Variants in TLL1 observed in about 807,000 individuals in gnomAD.
TLL1 encodes the protein tolloid-like protein 1.
TLL1 carries 49 observed loss-of-function variants against 128.2 expected under a neutral mutation model. The observed-to-expected ratio is 0.38, with a 90% CI of 0.30 to 0.48. TLL1 has a LOEUF of 0.48. Among genes scored for constraint, TLL1 ranks in the 20% least tolerant of loss-of-function variants. The pLI, the probability that TLL1 is intolerant of heterozygous loss-of-function variation, is 0.96. For missense variants in TLL1, 1,123 were observed against 1,242.0 expected, an observed-to-expected ratio of 0.90 and a Z score of 1.44; for synonymous variants, 454 against 418.8, an observed-to-expected ratio of 1.08 and a Z score of -1.03.
At chr4:165,914,173 G>A (rs1309939557) in intron 1 of TLL1, among the ~76,000 whole-genome samples, 1 of 152,094 alleles carries the variant, frequency 6.6e-6, no homozygotes, top group East Asian at 1.9e-4. Context: ...TCATTAGATA[G>A]CATTTCCTGT....
At chr4:166,025,657 A>C (rs531113933) in intron 9 of TLL1, among the ~76,000 whole-genome samples, 1 of 152,322 alleles carries the variant, frequency 6.6e-6, no homozygotes, top group South Asian at 2.1e-4. Flanking sequence ...TACAAATTAT[A>C]TTCTCAGACA....
At chr4:166,028,124 G>C (rs1293154637) in intron 9 of TLL1, among the ~76,000 whole-genome samples, 1 of 151,574 alleles carries the variant, frequency 6.6e-6, no homozygotes, top group Non-Finnish European at 1.5e-5. Context: ...TACTTCTTGA[G>C]CTGGGAATTT....
chr4:166,037,242 T>G (rs192692301), intron 9 of TLL1, among the ~76,000 whole-genome samples: 1 of 152,338 alleles, frequency 6.6e-6, no homozygotes, highest in African/African-American at 2.4e-5. Context: ...TTCCTAGTTA[T>G]ATCCTGAATA....
chr4:166,046,799 A>G (rs1739477478), intron 12 of TLL1, among the ~76,000 whole-genome samples: 1 of 152,202 alleles, frequency 6.6e-6, no homozygotes, highest in Admixed American at 6.5e-5. Context: ...TGTTGTGACT[A>G]GAATCTCACA....
At chr4:165,981,837 G>A (rs10026747) in intron 1 of TLL1, among the ~76,000 whole-genome samples, 12,153 of 152,042 alleles carry the variant, frequency 0.08, 1,593 homozygotes, top group African/African-American at 0.27. Flanking sequence ...TTTCAATAAA[G>A]TGTATCATCT....
At chr4:165,934,374 A>G (rs1186367066) in intron 1 of TLL1, among the ~76,000 whole-genome samples, 1 of 152,146 alleles carries the variant, frequency 6.6e-6, no homozygotes, top group Non-Finnish European at 1.5e-5. Context: ...GACATAAAAA[A>G]TAAAAAAATA....
chr4:166,076,535 A>G (rs1741035840), intron 17 of TLL1, among the ~76,000 whole-genome samples: 1 of 152,194 alleles, frequency 6.6e-6, no homozygotes, highest in Non-Finnish European at 1.5e-5. Flanking sequence ...AACAACATCC[A>G]GACGCACTTT....
chr4:165,936,328 TC>T (rs1339838533), intron 1 of TLL1, among the ~76,000 whole-genome samples: 2 of 150,956 alleles, frequency 1.3e-5, no homozygotes, highest in Admixed American at 1.3e-4. Context: ...CAAGTGATTC[TC>T]CTGCCTCAGC....
chr4:165,882,695 T>C (rs924984494), intron 1 of TLL1, among the ~76,000 whole-genome samples: 1 of 152,142 alleles, frequency 6.6e-6, no homozygotes, highest in African/African-American at 2.4e-5. Flanking sequence ...CTCAGCTCAC[T>C]GCAACCTCCG....
At chr4:166,016,360 T>C (rs1384253440) in intron 8 of TLL1, among the ~76,000 whole-genome samples, 1 of 152,126 alleles carries the variant, frequency 6.6e-6, no homozygotes. Flanking sequence ...GAACACTTTG[T>C]GTATAAAACT....
At chr4:165,922,797 T>TGTAAACACTGGA (rs1385773732) in intron 1 of TLL1, among the ~76,000 whole-genome samples, 2 of 152,250 alleles carry the variant, frequency 1.3e-5, no homozygotes, top group Non-Finnish European at 2.9e-5. Context: ...TTTATATGTA[T>TGTAAACACTGGA]GTAAACACTG....
At chr4:166,046,185 T>C (rs972881610) in intron 12 of TLL1, among the ~76,000 whole-genome samples, 5 of 152,232 alleles carry the variant, frequency 3.3e-5, no homozygotes, top group Non-Finnish European at 7.3e-5. Context: ...ATGGATTATA[T>C]GTAAGTCAAT....
chr4:165,891,796 C>T (rs1410977689), intron 1 of TLL1, among the ~76,000 whole-genome samples: 1 of 152,182 alleles, frequency 6.6e-6, no homozygotes, highest in Non-Finnish European at 1.5e-5. Flanking sequence ...TCTAAATTTT[C>T]CCACATTTTC....
intron 9 of TLL1, among the ~76,000 whole-genome samples, chr4:166,038,070 T>C (rs1169035142): frequency 6.6e-6 from 1 of 152,202 alleles, no homozygotes; most frequent in Non-Finnish European, 1.5e-5. Context: ...CATTGATTTG[T>C]AATAATTAGT....
In TLL1 at chr4:166,025,439, A is replaced by T; in HGVS notation, c.1158+8A>T. 6.4e-7 allele frequency: 1 copy of T among 1,571,944 alleles called. No individual in the cohort carries two copies. The highest frequency in any genetic ancestry group is 8.8e-7 in the Non-Finnish European group (1 of 1,141,858). On this transcript the variant is annotated splice_region_variant and intron_variant, in intron 9 of 20. Coordinates refer to ENST00000061240, the MANE Select transcript of TLL1 (RefSeq NM_012464.5). ...GTGACCCCAGGGGAGAAGGTAGTTT[A>T]TACCGTCAAGCCCACTATTTTATTC... is the stretch of plus-strand genomic sequence containing the variant.
intron 1 of TLL1, chr4:165,874,945 G>A (rs908538439): frequency 6.6e-6 from 1 of 152,352 alleles, no homozygotes; most frequent in Middle Eastern, 3.2e-3. Flanking sequence ...CGCAGCGCCT[G>A]AGGGCGCCCA....
intron 1 of TLL1, among the ~76,000 whole-genome samples, chr4:165,888,057 G>A (rs1397301688): frequency 6.6e-6 from 1 of 152,052 alleles, no homozygotes; most frequent in Non-Finnish European, 1.5e-5. Context: ...TCTTCATATA[G>A]GCAATCAGAT....
intron 20 of TLL1, among the ~76,000 whole-genome samples, chr4:166,099,932 C>T (rs1742215374): frequency 6.6e-6 from 1 of 152,086 alleles, no homozygotes. Flanking sequence ...TTCACATTCT[C>T]TTTTTAACAA....
At chr4:166,052,965 G>GTGTGTGTGTGTGTGTGTGTATA in intron 12 of TLL1, among the ~76,000 whole-genome samples, 2 of 99,648 alleles carry the variant, frequency 2.0e-5, no homozygotes, top group African/African-American at 3.8e-5. Context: ...GAGGTTATGT[G>GTGTGTGTGTGTGTGTGTGTATA]TATATATATA....
Sources: allele counts gnomAD v4.1 joint callset (sites outside exome capture counted in the v4.1 genomes callset), GRCh38; gene constraint gnomAD v4.1.1; transcripts MANE v1.5; gene names NCBI Gene and HGNC (gene_info 2026-07-23, HGNC 2026-07-21).